The following LONP2 variants were observed in gnomAD, a reference collection of about 807,000 sequenced individuals.
LONP2 encodes lon peptidase 2, peroxisomal.
In LONP2, 60 loss-of-function variants were observed where a neutral mutation model predicts 85.6. The ratio of observed to expected loss-of-function variants is 0.70; its 90% CI spans 0.57 to 0.87. The LOEUF (loss-of-function observed/expected upper bound fraction) is 0.87, where lower values mean the gene tolerates loss of function less well. Among genes scored for constraint, LONP2 ranks in the 40% least tolerant of loss-of-function variants. The probability of loss-of-function intolerance (pLI) is 0.00; values close to 1 mark genes in which losing one functional copy is unlikely to be tolerated. For synonymous variants in LONP2, 395 were observed against 389.7 expected, an observed-to-expected ratio of 1.01 and a Z score of -0.16; for missense variants, 860 against 1,063.5, an observed-to-expected ratio of 0.81 and a Z score of 2.66.
intron 6 of LONP2, among the ~76,000 whole-genome samples, chr16:48,264,156 T>C (rs1412509368): frequency 1.3e-5 from 2 of 152,222 alleles, no homozygotes; most frequent in African/African-American, 4.8e-5. Flanking sequence ...CCATTGTCAC[T>C]GATAACATCT....
rs921201584 is a variant in LONP2 at position 48,354,487 on chromosome 16, G to A, written c.*2685G>A. ...GCCTCCCAAAATGCTGGCATTACAG[G>A]CGTGAGCCACCACACCCGGCTTACA... is the stretch of plus-strand genomic sequence containing the variant. On this transcript the variant is annotated 3_prime_UTR_variant, in exon 15 of 15. Transcript: ENST00000285737. 1 of 152,070 alleles carries A rather than the reference G, an allele frequency of 6.6e-6. No individual in the cohort carries two copies. Among genetic ancestry groups the A allele is most frequent in the African/African-American group, 2.4e-5 (1 of 41,366 alleles). 9.4% of individuals were successfully genotyped at this position (152,070 alleles called of 1,614,324 possible).
intron 8 of LONP2, among the ~76,000 whole-genome samples, chr16:48,293,102 A>G (rs1208110794): frequency 7.2e-5 from 11 of 152,210 alleles, no homozygotes; most frequent in Non-Finnish European, 1.6e-4. Flanking sequence ...TCCAGCATAT[A>G]TGAATTACAT....
intron 11 of LONP2, among the ~76,000 whole-genome samples, chr16:48,327,561 G>A (rs777475702): frequency 2.0e-5 from 3 of 152,064 alleles, no homozygotes; most frequent in South Asian, 2.1e-4. Flanking sequence ...GGGTTCAAGC[G>A]ATTCTCATGT....
At chr16:48,305,594 C>T (rs534769765) in intron 11 of LONP2, among the ~76,000 whole-genome samples, 4 of 152,186 alleles carry the variant, frequency 2.6e-5, no homozygotes, top group Admixed American at 2.6e-4. Flanking sequence ...TTGGGAGAAT[C>T]TAGAAAACTT....
In LONP2 at chr16:48,356,349, T is replaced by C. The variant is rs1355234972; in HGVS notation, c.*4547T>C. The C allele has an allele frequency of 6.5e-6, 1 of 153,402 alleles. No individual in the cohort carries two copies. The highest frequency in any genetic ancestry group is 6.5e-5 in the Admixed American group (1 of 15,342). The allele number at this position is 153,402 out of a possible 1,614,324, so 9.5% of individuals were successfully genotyped here. On this transcript the variant is annotated 3_prime_UTR_variant, in exon 15 of 15. Coordinates refer to ENST00000285737, the MANE Select transcript of LONP2 (RefSeq NM_031490.5). ...CTAAGGGACATTTTGCTACAAAGAA[T>C]GTTAGTTTTGCCAATTCCCTTTCCA... is the stretch of plus-strand genomic sequence containing the variant.
At position 48,351,879 on chromosome 16, in the gene LONP2, AT is replaced by A; in HGVS notation, c.*79del. 8.9e-7 allele frequency: 1 copy of A among 1,120,094 alleles called. No homozygotes were observed. The highest frequency in any genetic ancestry group is 1.3e-6 in the Non-Finnish European group (1 of 759,960). The allele number at this position is 1,120,094 out of a possible 1,614,324, so 69.4% of individuals were successfully genotyped here. A position where few individuals can be genotyped will look rare whatever the true frequency, so the allele number is the denominator to read the frequency against. On this transcript the variant is annotated 3_prime_UTR_variant, in exon 15 of 15. Coordinates refer to ENST00000285737, the MANE Select transcript of LONP2 (RefSeq NM_031490.5). ...TGACACAGTTGATTTTATTCACACC[AT>A]TAGGGGTATGCAAGATGTCCCTGTT...
chr16:48,316,116 T>C (rs1973137133), intron 11 of LONP2, among the ~76,000 whole-genome samples: 1 of 152,030 alleles, frequency 6.6e-6, no homozygotes, highest in Admixed American at 6.5e-5. Context: ...CAAGCGATTC[T>C]GATGTCTCAG....
At position 48,356,537 on chromosome 16, in the gene LONP2, T is replaced by G. The variant is rs989194843; in HGVS notation, c.*4735T>G. ...TAAAAAAAAAAAAAAAAAAAAAGAC[T>G]ACAGTTAGTCATTATCCAATTTGAT... On this transcript the variant is annotated 3_prime_UTR_variant, in exon 15 of 15. Transcript: ENST00000285737. 1 of 146,214 alleles carries G rather than the reference T, an allele frequency of 6.8e-6. No individual in the cohort carries two copies. The highest frequency in any genetic ancestry group is 1.5e-5 in the Non-Finnish European group (1 of 67,860). The allele number at this position is 146,214 out of a possible 1,614,324, so 9.1% of individuals were successfully genotyped here.
At chr16:48,284,762 A>G (rs1412756568) in intron 8 of LONP2, among the ~76,000 whole-genome samples, 2 of 152,164 alleles carry the variant, frequency 1.3e-5, no homozygotes, top group Non-Finnish European at 2.9e-5. Context: ...CTGGAACTGA[A>G]CCCACAGTGT....
At position 48,356,577 on chromosome 16, in the gene LONP2, C is replaced by T. The variant is rs567482825; in HGVS notation, c.*4775C>T. On this transcript the variant is annotated 3_prime_UTR_variant, in exon 15 of 15. Coordinates refer to ENST00000285737, the MANE Select transcript of LONP2 (RefSeq NM_031490.5). ...TCCAATTTGATGATTTATGGTCCAA[C>T]ACTAATGCTCATTTTTTTTGTTTGT... 1.2e-4 allele frequency: 26 copies of T among 216,116 alleles called. No individual in the cohort carries two copies. The South Asian group carries it at 1.3e-3, about 11-fold the overall frequency. The allele number at this position is 216,116 out of a possible 1,614,324, so 13.4% of individuals were successfully genotyped here.
chr16:48,274,645 C>A (rs553402438), intron 7 of LONP2, among the ~76,000 whole-genome samples: 1 of 151,938 alleles, frequency 6.6e-6, no homozygotes, highest in East Asian at 1.9e-4. Flanking sequence ...TTGAGATACA[C>A]ACACACACCC....
intron 8 of LONP2, among the ~76,000 whole-genome samples, chr16:48,284,684 G>A (rs1396305998): frequency 6.6e-6 from 1 of 152,028 alleles, no homozygotes; most frequent in Non-Finnish European, 1.5e-5. Flanking sequence ...ACTTTTATAT[G>A]CACTGGGAAA....
chr16:48,261,205 A>G (rs1424920590), intron 4 of LONP2, among the ~76,000 whole-genome samples: 1 of 152,166 alleles, frequency 6.6e-6, no homozygotes, highest in Non-Finnish European at 1.5e-5. Flanking sequence ...GCATATACCA[A>G]AGAATCATGT....
intron 7 of LONP2, among the ~76,000 whole-genome samples, chr16:48,272,674 A>G (rs1972129312): frequency 6.6e-6 from 1 of 152,212 alleles, no homozygotes; most frequent in African/African-American, 2.4e-5. Flanking sequence ...TTTGTGAATC[A>G]TTCTATTCAG....
intron 1 of LONP2, among the ~76,000 whole-genome samples, chr16:48,250,480 C>CA (rs57007300): frequency 0.014 from 1,701 of 121,722 alleles, 31 homozygotes; most frequent in African/African-American, 0.041. Flanking sequence ...GACTCCGTCT[C>CA]AAAAAAAAAA....
rs900118810 is a variant in LONP2 at position 48,269,921 on chromosome 16, T to C, written c.983-95T>C. On this transcript the variant is annotated intron_variant, in intron 6 of 14. Transcript: ENST00000285737. ...AAGTCTGTTCTTATCACATCTATTT[T>C]CAAAAAAAATATTTTGCCCTCGTCA... is the stretch of plus-strand genomic sequence containing the variant. The C allele has an allele frequency of 1.0e-5, 13 of 1,302,302 alleles. No individual in the cohort carries two copies. In the East Asian group the frequency reaches 2.7e-4, roughly 27 times the overall value. 80.7% of individuals were successfully genotyped at this position (1,302,302 alleles called of 1,614,324 possible).
At chr16:48,342,115 G>C (rs1421139522) in intron 12 of LONP2, among the ~76,000 whole-genome samples, 1 of 152,186 alleles carries the variant, frequency 6.6e-6, no homozygotes, top group African/African-American at 2.4e-5. Context: ...ACAGGATTCT[G>C]TCATTTGATT....
intron 1 of LONP2, among the ~76,000 whole-genome samples, chr16:48,250,593 CTCTT>C (rs1416155040): frequency 1.3e-5 from 2 of 152,158 alleles, no homozygotes; most frequent in East Asian, 3.8e-4. Flanking sequence ...TGTCTCATCT[CTCTT>C]TCTGGTTCCT....
intron 12 of LONP2, among the ~76,000 whole-genome samples, chr16:48,341,987 G>A (rs1336406721): frequency 2.0e-5 from 3 of 152,152 alleles, no homozygotes; most frequent in African/African-American, 7.2e-5. Context: ...TGAGTTTTCT[G>A]CTTCAGGGAG....
Sources: gnomAD v4.1 joint callset for allele counts (sites outside exome capture counted in the v4.1 genomes callset) on GRCh38, gnomAD v4.1.1 for gene constraint, MANE v1.5 for transcripts, NCBI Gene and HGNC (gene_info 2026-07-23, HGNC 2026-07-21) for gene names.